Variants in EWSR1 observed in about 807,000 individuals in gnomAD.
The protein encoded by EWSR1 is RNA-binding protein EWS.
In EWSR1, 14 loss-of-function variants were observed where a neutral mutation model predicts 92.1. The observed-to-expected ratio is 0.15, with a 90% CI of 0.10 to 0.24. The LOEUF (loss-of-function observed/expected upper bound fraction) is 0.24. EWSR1 is among the 10% of genes least tolerant of loss of function. The pLI, the probability that EWSR1 is intolerant of heterozygous loss-of-function variation, is 1.00. For missense variants in EWSR1, 637 were observed against 870.9 expected, an observed-to-expected ratio of 0.73 and a Z score of 3.38; for synonymous variants, 303 against 292.9, an observed-to-expected ratio of 1.03 and a Z score of -0.35.
At chr22:29,277,341 C>G (rs1383683352) in intron 4 of EWSR1, 2 of 225,224 alleles carry the variant, frequency 8.9e-6, no homozygotes, top group Non-Finnish European at 1.8e-5. Flanking sequence ...AAAACATTAC[C>G]TTTTAAATGT....
chr22:29,271,333 C>T (rs184280509), intron 1 of EWSR1, among the ~76,000 whole-genome samples: 13 of 152,146 alleles, frequency 8.5e-5, no homozygotes, highest in African/African-American at 3.1e-4. Flanking sequence ...AACTATTTTC[C>T]GTTTGTTTTT....
rs558998407 is a variant in EWSR1 at position 29,270,181 on chromosome 22, T to A, written c.13+1832T>A. Among the ~76,000 whole-genome samples the A allele has an allele frequency of 2.6e-5, 4 of 152,334 alleles. No homozygotes were observed. In the South Asian group the frequency reaches 8.3e-4, roughly 32 times the overall value. The stretch of plus-strand genomic sequence containing the variant: ...GAAGCAGCTTCCATAGTGACTGCTC[T>A]AAAGTGTTAAACCGTTGCCTTGGGT... On this transcript the variant is annotated intron_variant, in intron 1 of 16. Coordinates refer to ENST00000397938, the MANE Select transcript of EWSR1 (RefSeq NM_005243.4).
intron 8 of EWSR1, chr22:29,290,563 A>G: frequency 6.5e-7 from 1 of 1,546,542 alleles, no homozygotes; most frequent in Non-Finnish European, 8.7e-7. Flanking sequence ...AAATGTATTC[A>G]TTGTATAAAT....
intron 6 of EWSR1, 66 bp downstream of exon 6, chr22:29,282,623 G>A (rs908773508): frequency 1.4e-6 from 2 of 1,395,438 alleles, no homozygotes; most frequent in Non-Finnish European, 1.9e-6. Context: ...TTGTTGACCA[G>A]CTTGCTTTGA....
At chr22:29,287,548 T>C (rs921113963) in intron 7 of EWSR1, among the ~76,000 whole-genome samples, 2 of 152,138 alleles carry the variant, frequency 1.3e-5, no homozygotes, top group Non-Finnish European at 2.9e-5. Flanking sequence ...TCTTTGCCAT[T>C]GTTTGCTTTT....
intron 13 of EWSR1, 98 bp from the exon 14 acceptor site, chr22:29,298,635 C>T: frequency 1.4e-6 from 2 of 1,412,116 alleles, no homozygotes; most frequent in Non-Finnish European, 2.0e-6. Context: ...GAAATGACAG[C>T]AGTAGTATCT....
Position 29,292,502 on chromosome 22 carries a change from C to G in EWSR1, c.1060C>G (p.Pro354Ala), listed in dbSNP as rs1383912492. ...GTCTCTGAAAGGCCCACCTGTAGATCCAGATGAAGACTCTGACAACAGTGC... is the reference window on the plus strand; with the variant it reads ...GTCTCTGAAAGGCCCACCTGTAGATGCAGATGAAGACTCTGACAACAGTGC... ...PDLDLGPPVD[P>A]DEDSDNSAIY... The change falls in exon 11 of 17, where the codon CCA becomes GCA. Residue 354 changes from proline to alanine, a missense_variant. Pro to Ala is a conservative substitution (Grantham distance 27). Coordinates refer to ENST00000397938, the MANE Select transcript of EWSR1 (RefSeq NM_005243.4). The G allele has an allele frequency of 6.2e-7, 1 of 1,611,754 alleles. No homozygotes were observed. The highest frequency in any genetic ancestry group is 1.3e-5 in the African/African-American group (1 of 74,860).
chr22:29,268,750 C>G (rs1242854345), intron 1 of EWSR1, among the ~76,000 whole-genome samples: 1 of 152,266 alleles, frequency 6.6e-6, no homozygotes, highest in Admixed American at 6.5e-5. Context: ...GGCCCGCAGG[C>G]TGCTGTCCCT....
intron 12 of EWSR1, among the ~76,000 whole-genome samples, 171 bp from the exon 13 acceptor site, chr22:29,297,654 AAC>A (rs2060972710): frequency 6.6e-6 from 1 of 152,186 alleles, no homozygotes; most frequent in Non-Finnish European, 1.5e-5. Context: ...CAGCCCGGGC[AAC>A]AGAGTGAGAC....
At chr22:29,292,361 TTCTTC>T (rs2060501551) in intron 10 of EWSR1, 122 bp from the exon 11 acceptor site, 2 of 915,386 alleles carry the variant, frequency 2.2e-6, no homozygotes, top group East Asian at 4.8e-5. Context: ...TTTGATAGCA[TTCTTC>T]TTAGTATGCT....
At chr22:29,290,820 T>G (rs1350204926) in intron 8 of EWSR1, 1 of 412,972 alleles carries the variant, frequency 2.4e-6, no homozygotes, top group Admixed American at 5.2e-5. Context: ...GGGAGCTGCC[T>G]TTATTTAATT....
rs767038055 is a variant in EWSR1 at position 29,296,299 on chromosome 22, C to G, written c.1225C>G (p.Pro409Ala). Residue 409 changes from proline (P) to alanine (A), a missense_variant, in exon 12 of 17, where the codon CCC (proline) becomes GCC (alanine). By Grantham distance (27) the Pro-to-Ala change is conservative. Around this residue, in one of 5 missense-constraint regions of EWSR1, gnomAD observed 363 missense variants for 447.8 expected, o/e 0.81. Transcript: ENST00000397938. ...CTACCTGGACAAGGAAACAGGAAAG[C>G]CCAAAGGCGATGCCACAGTGTCCTA... ...HIYLDKETGKPKGDATVSYED... is the reference protein window; with the variant it reads ...HIYLDKETGKAKGDATVSYED... 1 of 1,614,156 alleles carries G rather than the reference C, an allele frequency of 6.2e-7. No individual in the cohort carries two copies. The highest frequency in any genetic ancestry group is 8.5e-7 in the Non-Finnish European group (1 of 1,179,988).
At chr22:29,295,726 C>T (rs1235449415) in intron 11 of EWSR1, 1 of 225,524 alleles carries the variant, frequency 4.4e-6, no homozygotes, top group Non-Finnish European at 8.8e-6. Flanking sequence ...CTCCTGAATT[C>T]AAGTCAACCA....
At chr22:29,278,777 A>G (rs187849687) in intron 5 of EWSR1, among the ~76,000 whole-genome samples, 234 of 151,800 alleles carry the variant, frequency 1.5e-3, no homozygotes, top group African/African-American at 5.1e-3. Context: ...GTGAGCTGAG[A>G]TCGCTCCACT....
Position 29,273,837 on chromosome 22 carries a change from G to C in EWSR1, c.199G>C (p.Ala67Pro), listed in dbSNP as rs2058886671. Residue 67 changes from alanine to proline, a missense_variant, in exon 4 of 17, where the codon GCA (alanine) becomes CCA (proline). Transcript: ENST00000397938. The stretch of plus-strand genomic sequence containing the variant: ...TGCAACCTATGGGCAGACCGCCTAT[G>C]CAACTTCTTATGGACAGCCTCCCAC... ...TTATYGQTAY[A>P]TSYGQPPTGY... The C allele has an allele frequency of 3.7e-6, 6 of 1,614,022 alleles. No individual in the cohort carries two copies. Among genetic ancestry groups the C allele is most frequent in the Non-Finnish European group, 5.1e-6 (6 of 1,179,944 alleles).
At chr22:29,288,984 C>A in intron 8 of EWSR1, 198 bp downstream of exon 8, 1 of 542,790 alleles carries the variant, frequency 1.8e-6, no homozygotes, top group Non-Finnish European at 3.1e-6. Context: ...CTTTCCCTGC[C>A]AGTATACTTC....
At chr22:29,297,686 T>C in intron 12 of EWSR1, 141 bp from the exon 13 acceptor site, 1 of 1,217,818 alleles carries the variant, frequency 8.2e-7, no homozygotes, top group Non-Finnish European at 1.1e-6. Flanking sequence ...AAAAAAAGCC[T>C]TTTTCTGGCC....
At chr22:29,290,724 A>G (rs1456896592) in intron 8 of EWSR1, 2 of 1,253,510 alleles carry the variant, frequency 1.6e-6, no homozygotes, top group Admixed American at 3.8e-5. Flanking sequence ...TAAAAAGGAA[A>G]CAAAGCTGCA....
intron 13 of EWSR1, among the ~76,000 whole-genome samples, chr22:29,298,461 C>T (rs1363713713): frequency 4.7e-5 from 7 of 149,028 alleles, no homozygotes; most frequent in East Asian, 2.0e-4. Flanking sequence ...GAGCAAAGAT[C>T]GTGCCACTGC....
Sources: allele counts gnomAD v4.1 joint callset (sites outside exome capture counted in the v4.1 genomes callset), GRCh38; gene constraint gnomAD v4.1.1; regional missense constraint gnomAD v4.1.1; transcripts MANE v1.5; gene names NCBI Gene and HGNC (gene_info 2026-07-23, HGNC 2026-07-21).